SFXN5: variants seen among roughly 807,000 people sequenced by gnomAD.
SFXN5 encodes the protein sideroflexin-5.
A neutral mutation model predicts 50.2 loss-of-function variants in SFXN5; 43 were observed. That is an observed-to-expected ratio of 0.86 (90% CI 0.67 to 1.11). The LOEUF is 1.11. SFXN5 is among the 50% of genes least tolerant of loss of function. SFXN5 has a pLI of 0.00. For synonymous variants in SFXN5, 203 were observed against 185.8 expected, an observed-to-expected ratio of 1.09 and a Z score of -0.75; for missense variants, 463 against 454.1, an observed-to-expected ratio of 1.02 and a Z score of -0.18.
intron 1 of SFXN5, chr2:73,071,285 T>C (rs1238114670): frequency 5.4e-6 from 2 of 372,690 alleles, no homozygotes; most frequent in African/African-American, 4.3e-5. Flanking sequence ...GAGCAGCCGC[T>C]CGAAGCCGGG....
At chr2:73,061,977 C>T (rs1398613193) in intron 1 of SFXN5, among the ~76,000 whole-genome samples, 1 of 151,958 alleles carries the variant, frequency 6.6e-6, no homozygotes, top group Non-Finnish European at 1.5e-5. Context: ...ATTAGCCAGG[C>T]ATGGTGGTAT....
At position 72,992,379 on chromosome 2, in the gene SFXN5, C is replaced by G. The variant is rs991796274; in HGVS notation, c.535-4031G>C. On this transcript the variant is annotated intron_variant, in intron 9 of 13. Transcript: ENST00000272433. The surrounding 1 kb of genome is among the most constrained non-coding windows in gnomAD (Gnocchi z 4.5). Reference sequence around the variant, plus strand: ...CCAACAACAGGCCAGCAAGGAGACACTGGATGAGGCTGGAAGAATGCCTGC... The same window carrying G: ...CCAACAACAGGCCAGCAAGGAGACAGTGGATGAGGCTGGAAGAATGCCTGC... 8.5e-5 allele frequency among the ~76,000 whole-genome samples: 13 copies of G among 152,184 alleles called. 1 individual carries two copies. The highest frequency in any genetic ancestry group is 3.1e-4 in the African/African-American group (13 of 41,440).
At chr2:73,057,311 T>A (rs114503982) in intron 2 of SFXN5, among the ~76,000 whole-genome samples, 4,759 of 152,176 alleles carry the variant, frequency 0.031, 235 homozygotes, top group African/African-American at 0.11. Context: ...GATAATTTTT[T>A]AAAATTTTGT....
At chr2:73,027,846 G>A (rs962731305) in intron 3 of SFXN5, among the ~76,000 whole-genome samples, 1 of 151,926 alleles carries the variant, frequency 6.6e-6, no homozygotes, top group East Asian at 1.9e-4. Context: ...TGCTTTTGTA[G>A]AAACGTGGTC....
At chr2:72,983,078 G>C (rs1671514006) in intron 10 of SFXN5, among the ~76,000 whole-genome samples, 1 of 152,238 alleles carries the variant, frequency 6.6e-6, no homozygotes, top group Non-Finnish European at 1.5e-5. Context: ...CTCTGACCTG[G>C]GGGTAGGCCC....
intron 3 of SFXN5, among the ~76,000 whole-genome samples, chr2:73,025,248 G>A (rs2105851027): frequency 6.6e-6 from 1 of 151,894 alleles, no homozygotes; most frequent in South Asian, 2.1e-4. Context: ...TGTCCCTGGT[G>A]CGACCCCAGG....
Position 73,065,462 on chromosome 2 carries a change from G to A in SFXN5, c.102+6142C>T, listed in dbSNP as rs531717219. 7.2e-4 allele frequency among the ~76,000 whole-genome samples: 109 copies of A among 151,938 alleles called. 1 individual carries two copies. Among genetic ancestry groups the A allele is most frequent in the African/African-American group, 2.4e-3 (100 of 41,432 alleles). On this transcript the variant is annotated intron_variant, in intron 1 of 13. Coordinates refer to ENST00000272433, the MANE Select transcript of SFXN5 (RefSeq NM_144579.3). ...GTTGCCCAGGCTGGAGTGCAATGGT[G>A]CAATCTCGGCTCACTGCAACCTCTG... is the stretch of plus-strand genomic sequence containing the variant.
At chr2:73,047,713 T>A (rs1680694982) in intron 2 of SFXN5, among the ~76,000 whole-genome samples, 1 of 152,176 alleles carries the variant, frequency 6.6e-6, no homozygotes, top group African/African-American at 2.4e-5. Flanking sequence ...TCCACAGCCA[T>A]GTGGAACTAT....
Position 73,058,639 on chromosome 2 carries a change from T to C in SFXN5, c.103-43A>G, listed in dbSNP as rs1298983346. On this transcript the variant is annotated intron_variant, in intron 1 of 13. Transcript: ENST00000272433. ...AGAGAAGAGTGAATGGATCAGCTGC[T>C]GCACACCCTTCTCCAGACACTGGAG... The C allele has an allele frequency of 3.2e-6, 5 of 1,576,088 alleles. No homozygotes were observed. In the East Asian group the frequency reaches 6.7e-5, roughly 21 times the overall value.
In SFXN5 at chr2:72,945,775, C is replaced by T. The variant is rs926879808; in HGVS notation, c.946-676G>A. On this transcript the variant is annotated intron_variant, in intron 13 of 13. Transcript: ENST00000272433. This position sits in a 1 kb window ranked among gnomAD's most constrained non-coding sequence, Gnocchi z 5.8. ...TTGAACCTGACCATGTAATGGAGAC[C>T]CTCAAAATTCCCTGTCCTTGACTTT... 6.6e-6 allele frequency among the ~76,000 whole-genome samples: 1 copy of T among 151,954 alleles called. No individual in the cohort carries two copies. The highest frequency in any genetic ancestry group is 1.5e-5 in the Non-Finnish European group (1 of 67,990).
intron 6 of SFXN5, among the ~76,000 whole-genome samples, chr2:73,012,740 GAAA>G (rs1359513988): frequency 8.1e-5 from 12 of 148,146 alleles, no homozygotes; most frequent in Non-Finnish European, 1.5e-4. Flanking sequence ...CAGGTGTTAA[GAAA>G]GGCTTTATAA....
At chr2:72,971,767 A>G (rs1011956161) in intron 10 of SFXN5, 82 bp from the exon 11 acceptor site, 10 of 1,049,698 alleles carry the variant, frequency 9.5e-6, no homozygotes, top group African/African-American at 1.6e-5. Context: ...ACTCCTTCCT[A>G]CGCAAGCCTT....
chr2:72,962,129 G>A (rs1016150731), intron 12 of SFXN5, among the ~76,000 whole-genome samples: 18 of 152,338 alleles, frequency 1.2e-4, no homozygotes, highest in East Asian at 3.9e-4. Flanking sequence ...GCCCTTCAGC[G>A]GGGACCACAG....
At chr2:73,066,736 A>T (rs1039450927) in intron 1 of SFXN5, among the ~76,000 whole-genome samples, 1 of 151,404 alleles carries the variant, frequency 6.6e-6, no homozygotes, top group Non-Finnish European at 1.5e-5. Flanking sequence ...ATGGTGGCTC[A>T]TGCCTGTAAA....
chr2:73,036,350 G>A (rs1678978761), intron 3 of SFXN5, among the ~76,000 whole-genome samples: 2 of 152,200 alleles, frequency 1.3e-5, no homozygotes, highest in African/African-American at 4.8e-5. Context: ...CAGGAGGCTG[G>A]GGGAAGGGAG....
chr2:73,021,479 G>T (rs143596775), intron 5 of SFXN5, among the ~76,000 whole-genome samples: 2 of 152,188 alleles, frequency 1.3e-5, no homozygotes, highest in African/African-American at 4.8e-5. Context: ...GGGAGACTCT[G>T]TCTCAAATAA....
intron 6 of SFXN5, among the ~76,000 whole-genome samples, chr2:73,004,667 A>T (rs1440164260): frequency 1.3e-5 from 2 of 151,932 alleles, no homozygotes; most frequent in East Asian, 3.9e-4. Context: ...TGAGGTTAGA[A>T]GACAGGAACA....
At chr2:73,059,031 G>T (rs1036351475) in intron 1 of SFXN5, 29 of 1,000,144 alleles carry the variant, frequency 2.9e-5, no homozygotes, top group South Asian at 4.4e-5. Context: ...CCTCCCCAAG[G>T]TCCAGCTCTG....
chr2:73,017,939 A>G (rs970584122), intron 6 of SFXN5, among the ~76,000 whole-genome samples: 4 of 152,182 alleles, frequency 2.6e-5, no homozygotes, highest in African/African-American at 9.7e-5. Flanking sequence ...GTACAGACAA[A>G]TCTACTGTAA....
Sources: gnomAD v4.1 joint callset for allele counts (sites outside exome capture counted in the v4.1 genomes callset) on GRCh38, gnomAD v4.1.1 for gene constraint, Gnocchi (gnomAD v3.1) non-coding constraint, MANE v1.5 for transcripts, NCBI Gene and HGNC (gene_info 2026-07-23, HGNC 2026-07-21) for gene names.